ACTA2: variants seen among roughly 807,000 people sequenced by gnomAD.
ACTA2 encodes actin, aortic smooth muscle.
In ACTA2, 12 loss-of-function variants were observed where a neutral mutation model predicts 39.5. The ratio of observed to expected loss-of-function variants is 0.30; its 90% CI spans 0.19 to 0.49. ACTA2 has a LOEUF of 0.49. Among genes scored for constraint, ACTA2 ranks in the 20% least tolerant of loss-of-function variants. The pLI is 0.99. For synonymous variants in ACTA2, 158 were observed against 180.6 expected, an observed-to-expected ratio of 0.88 and a Z score of 1.00; for missense variants, 236 against 498.8, an observed-to-expected ratio of 0.47 and a Z score of 5.02.
upstream of ACTA2, among the ~76,000 whole-genome samples, chr10:88,953,932 T>A (rs1700310192): frequency 6.6e-6 from 1 of 152,178 alleles, no homozygotes; most frequent in Non-Finnish European, 1.5e-5. Flanking sequence ...CTCTTTTCTT[T>A]ATAAATTACC....
intron 1 of ACTA2, among the ~76,000 whole-genome samples, chr10:88,963,867 CT>C (rs1028635149): frequency 6.6e-6 from 1 of 152,104 alleles, no homozygotes; most frequent in Non-Finnish European, 1.5e-5. Context: ...TTAAACTTGT[CT>C]TTTTTTCTGC....
rs746668428 is a variant in ACTA2 at position 88,935,264 on chromosome 10, C to T, written c.1093G>A (p.Asp365Asn). Residue 365 changes from aspartate to asparagine, a missense_variant, in exon 9 of 9, where the codon GAT (aspartate) becomes AAT (asparagine). Coordinates refer to ENST00000224784, the MANE Select transcript of ACTA2 (RefSeq NM_001613.4). ...TGGACAATGGAAGGCCCGGCTTCAT[C>T]GTATTCCTGTTTGCTGATCCACATC... ...QQMWISKQEY[D>N]EAGPSIVHRK... 2.5e-6 allele frequency: 4 copies of T among 1,613,886 alleles called. No homozygotes were observed. In the South Asian group the frequency reaches 3.3e-5, roughly 13 times the overall value.
At chr10:88,957,770 C>T (rs1589406672), upstream of ACTA2, among the ~76,000 whole-genome samples, 1 of 151,862 alleles carries the variant, frequency 6.6e-6, no homozygotes, top group Non-Finnish European at 1.5e-5. Flanking sequence ...CCCTCTCTAC[C>T]CACTTCTTTT....
At chr10:88,950,639 AT>A (rs1223361948) in intron 1 of ACTA2, among the ~76,000 whole-genome samples, 8 of 152,230 alleles carry the variant, frequency 5.3e-5, no homozygotes, top group African/African-American at 1.9e-4. Flanking sequence ...GAACTGATAC[AT>A]TTAGGACAAC....
upstream of ACTA2, chr10:88,952,921 G>A (rs1846075766): frequency 6.6e-6 from 1 of 152,448 alleles, no homozygotes; most frequent in African/African-American, 2.4e-5. Context: ...CTCTAATCTG[G>A]GTGGCCGGAG....
intron 1 of ACTA2, among the ~76,000 whole-genome samples, chr10:88,960,719 T>C (rs569071714): frequency 6.6e-6 from 1 of 152,228 alleles, no homozygotes; most frequent in African/African-American, 2.4e-5. Flanking sequence ...ATACCATTAT[T>C]GACAACAATG....
upstream of ACTA2, among the ~76,000 whole-genome samples, chr10:88,953,645 C>T (rs1329742645): frequency 5.3e-5 from 8 of 152,266 alleles, no homozygotes; most frequent in Middle Eastern, 6.8e-3. Context: ...TTCTACGTCC[C>T]CACCCAAATC....
chr10:88,952,346 A>G lies in ACTA2; in HGVS notation c.-24+385T>C, dbSNP rs1846065341. Reference sequence around the variant, plus strand: ...CCAGTGAAAGAAAACCCCTACAACAAATCAGAACCAGAAAGAAATCTGAGT... The same window carrying G: ...CCAGTGAAAGAAAACCCCTACAACAGATCAGAACCAGAAAGAAATCTGAGT... On this transcript the variant is annotated intron_variant, in intron 1 of 8. Coordinates refer to ENST00000224784, the MANE Select transcript of ACTA2 (RefSeq NM_001613.4). 2.6e-5 allele frequency among the ~76,000 whole-genome samples: 4 copies of G among 152,282 alleles called. No homozygotes were observed. In the South Asian group the frequency reaches 6.2e-4, roughly 24 times the overall value.
chr10:88,986,879 T>G (rs1846909066), intron 1 of ACTA2, among the ~76,000 whole-genome samples: 1 of 152,172 alleles, frequency 6.6e-6, no homozygotes, highest in Non-Finnish European at 1.5e-5. Context: ...TGAAGTCACT[T>G]CATTTAGGAA....
intron 6 of ACTA2, 49 bp downstream of exon 6, chr10:88,941,180 C>T: frequency 3.7e-6 from 6 of 1,609,876 alleles, no homozygotes; most frequent in Non-Finnish European, 4.2e-6. Context: ...CTGGAAGTTA[C>T]TGAGCAACAC....
chr10:88,946,170 C>T (rs1387991256), intron 3 of ACTA2, among the ~76,000 whole-genome samples: 2 of 151,990 alleles, frequency 1.3e-5, no homozygotes, highest in African/African-American at 4.8e-5. Context: ...ATGGTATGAT[C>T]AGCTCACTGC....
chr10:88,964,453 A>G (rs1318001327), intron 1 of ACTA2, among the ~76,000 whole-genome samples: 1 of 152,202 alleles, frequency 6.6e-6, no homozygotes, highest in Admixed American at 6.5e-5. Flanking sequence ...AAACAAATAC[A>G]TGGGAAACTA....
At chr10:88,943,555 C>A in intron 4 of ACTA2, 1 of 552,692 alleles carries the variant, frequency 1.8e-6, no homozygotes, top group Non-Finnish European at 3.3e-6. Flanking sequence ...TAAACGTGGC[C>A]CCTTCTCAGT....
intron 4 of ACTA2, 192 bp downstream of exon 4, chr10:88,943,605 G>C (rs1000346992): frequency 4.5e-6 from 3 of 673,500 alleles, no homozygotes. Flanking sequence ...GAGGCAAAGG[G>C]CTGGTCCCTG....
At chr10:88,957,950 T>C in intron 1 of ACTA2, among the ~76,000 whole-genome samples, 1 of 152,116 alleles carries the variant, frequency 6.6e-6, no homozygotes, top group East Asian at 1.9e-4. Flanking sequence ...GTATTTTTAG[T>C]AGAGACGGGG....
At chr10:88,948,687 T>C (rs757229914) in intron 2 of ACTA2, 115 bp downstream of exon 2, 3 of 1,434,044 alleles carry the variant, frequency 2.1e-6, no homozygotes, top group Non-Finnish European at 2.9e-6. Context: ...AGAGGTCTAT[T>C]TGTAACAAGG....
upstream of ACTA2, among the ~76,000 whole-genome samples, chr10:88,956,600 G>A (rs1276494506): frequency 6.6e-6 from 1 of 152,156 alleles, no homozygotes; most frequent in East Asian, 1.9e-4. Context: ...ATCTTGCAGG[G>A]AGGATTCATT....
rs757656209 is a variant in ACTA2, at chr10:88,938,092, G to A, written c.959C>T (p.Thr320Met). The change falls in exon 8 of 9, where the codon ACG becomes ATG. Residue 320 changes from threonine (T) to methionine (M), a missense_variant. Thr to Met is a moderately conservative substitution (Grantham distance 81). Transcript: ENST00000224784. Reference sequence around the variant, plus strand: ...CTTCATGGTGCTGGGTGCTAGGGCCGTGATCTCCTTCTGCATTCGGTCGGC... The same window carrying A: ...CTTCATGGTGCTGGGTGCTAGGGCCATGATCTCCTTCTGCATTCGGTCGGC... ...GIADRMQKEI[T>M]ALAPSTMKIK... is the part of the protein sequence containing the mutation. 38 of 1,613,872 alleles carry A rather than the reference G, an allele frequency of 2.4e-5. No homozygotes were observed. Among genetic ancestry groups the A allele is most frequent in the South Asian group, 2.1e-4 (19 of 91,090 alleles).
chr10:88,936,457 T>G (rs2028493), intron 8 of ACTA2, among the ~76,000 whole-genome samples: 87,603 of 151,960 alleles, frequency 0.58, 26,064 homozygotes, highest in East Asian at 0.9. Context: ...TTGGATCACG[T>G]GGGTGGATCT....
Sources: gnomAD v4.1 joint callset for allele counts (sites outside exome capture counted in the v4.1 genomes callset) on GRCh38, gnomAD v4.1.1 for gene constraint, MANE v1.5 for transcripts, NCBI Gene and HGNC (gene_info 2026-07-23, HGNC 2026-07-21) for gene names.